CACNA1C: variants seen among roughly 807,000 people sequenced by gnomAD.
The protein encoded by CACNA1C is voltage-dependent L-type calcium channel subunit alpha-1C.
CACNA1C carries 30 observed loss-of-function variants against 229.0 expected under a neutral mutation model. The observed-to-expected ratio is 0.13, with a 90% CI of 0.10 to 0.18. CACNA1C has a LOEUF of 0.18. Among genes scored for constraint, CACNA1C ranks in the 10% least tolerant of loss-of-function variants. CACNA1C has a pLI of 1.00. For synonymous variants in CACNA1C, 1,114 were observed against 1,132.5 expected (o/e 0.98, Z 0.33); for missense variants, 1,658 against 2,845.0 (o/e 0.58, Z 9.49).
At chr12:1,995,990 C>G (rs1022918001) in intron 1 of CACNA1C, among the ~76,000 whole-genome samples, 1 of 152,204 alleles carries the variant, frequency 6.6e-6, no homozygotes, top group African/African-American at 2.4e-5. Flanking sequence ...TCTTGACCTC[C>G]TGTCTTTCTT....
At chr12:2,374,773 A>G (rs78981090) in intron 3 of CACNA1C, among the ~76,000 whole-genome samples, 3 of 152,222 alleles carry the variant, frequency 2.0e-5, no homozygotes, top group Admixed American at 6.5e-5. Context: ...CAAATAAACC[A>G]TCTCCAGTCA....
intron 3 of CACNA1C, among the ~76,000 whole-genome samples, chr12:2,376,770 T>C (rs1281344203): frequency 2.0e-5 from 3 of 152,114 alleles, no homozygotes; most frequent in African/African-American, 7.2e-5. Context: ...CCTACATTCT[T>C]GACTAGAAGA....
At chr12:2,658,686 A>G (rs972589348) in intron 34 of CACNA1C, among the ~76,000 whole-genome samples, 1 of 152,104 alleles carries the variant, frequency 6.6e-6, no homozygotes, top group African/African-American at 2.4e-5. Flanking sequence ...GTATTCCAGA[A>G]GAAGGCATTG....
chr12:2,191,165 G>A (rs989173328), intron 3 of CACNA1C, among the ~76,000 whole-genome samples: 1 of 152,186 alleles, frequency 6.6e-6, no homozygotes, highest in Non-Finnish European at 1.5e-5. Flanking sequence ...CCAGGGAGAT[G>A]TGGGGTGTGG....
Position 2,067,481 on chromosome 12 carries a change from TGCGCGC to T in CACNA1C, c.49+13872_49+13877del, listed in dbSNP as rs144122965. Among the ~76,000 whole-genome samples the T allele has an allele frequency of 1.5e-4, 21 of 140,890 alleles. No homozygotes were observed. Among genetic ancestry groups the T allele is most frequent in the East Asian group, 4.2e-4 (2 of 4,712 alleles). 92.4% of individuals were successfully genotyped at this position (140,890 alleles called of 152,430 possible). On this transcript the variant is annotated intron_variant, in intron 1 of 46. Coordinates refer to ENST00000399655, the MANE Select transcript of CACNA1C (RefSeq NM_000719.7). The surrounding 1 kb of genome is among the most constrained non-coding windows in gnomAD (Gnocchi z 5.3). ...GTGTGTGTGTGTGTGTGTGTGTGTG[TGCGCGC>T]GTGTGCGTGCCTGTATGTAAGGGCA...
In CACNA1C at chr12:2,692,453, C is replaced by T. The variant is rs2097799063; in HGVS notation, c.*1254C>T. The T allele has an allele frequency of 6.6e-6, 1 of 152,638 alleles. No individual in the cohort carries two copies. The highest frequency in any genetic ancestry group is 2.4e-5 in the African/African-American group (1 of 41,436). The allele number at this position is 152,638 out of a possible 1,614,324, so 9.5% of individuals were successfully genotyped here. A position where few individuals can be genotyped will look rare whatever the true frequency, so the allele number is the denominator to read the frequency against. ...CACCCACACCATGTGCCCGTGCACA[C>T]CAGTGACTACGCAGTCCCCCCTTTC... On this transcript the variant is annotated 3_prime_UTR_variant, in exon 47 of 47. Transcript: ENST00000399655.
At chr12:2,540,305 G>A (rs2099866533) in intron 9 of CACNA1C, among the ~76,000 whole-genome samples, 1 of 152,104 alleles carries the variant, frequency 6.6e-6, no homozygotes, top group Non-Finnish European at 1.5e-5. Flanking sequence ...TAGGGAGAGG[G>A]TGAAACCAAA....
chr12:2,101,754 C>G (rs1156799020), intron 1 of CACNA1C, among the ~76,000 whole-genome samples: 1 of 152,100 alleles, frequency 6.6e-6, no homozygotes, highest in Non-Finnish European at 1.5e-5. Flanking sequence ...GGGAGCCATT[C>G]TCTCGGATGG....
intron 4 of CACNA1C, among the ~76,000 whole-genome samples, chr12:2,454,586 C>G (rs534841106): frequency 2.0e-5 from 3 of 152,270 alleles, no homozygotes; most frequent in African/African-American, 4.8e-5. Context: ...AAACACCAAC[C>G]CTAATCAAGT....
At chr12:2,222,739 A>G (rs1178007242) in intron 3 of CACNA1C, among the ~76,000 whole-genome samples, 1 of 152,192 alleles carries the variant, frequency 6.6e-6, no homozygotes, top group Non-Finnish European at 1.5e-5. Context: ...ATGAGGGACA[A>G]TGAGTTGTCC....
At chr12:2,309,278 AT>A (rs1021417116) in intron 3 of CACNA1C, among the ~76,000 whole-genome samples, 9 of 152,176 alleles carry the variant, frequency 5.9e-5, no homozygotes, top group Admixed American at 5.9e-4. Context: ...TGTATGTGGA[AT>A]CTAAAAGAGC....
In CACNA1C at chr12:2,526,134, G is replaced by A. The variant is rs111640672; in HGVS notation, c.1390+13150G>A. 1.2e-3 allele frequency among the ~76,000 whole-genome samples: 180 copies of A among 152,294 alleles called. 2 individuals carry two copies. The highest frequency in any genetic ancestry group is 2.2e-3 in the Non-Finnish European group (149 of 68,026). On this transcript the variant is annotated intron_variant, in intron 9 of 46. Coordinates refer to ENST00000399655, the MANE Select transcript of CACNA1C (RefSeq NM_000719.7). ...TTTCTATATCCTGGTACCAGGTGCT[G>A]GATTCCTTATTTAGCCATGTGGTTA...
At position 2,310,339 on chromosome 12, in the gene CACNA1C, A is replaced by C. The variant is rs1237806524; in HGVS notation, c.478-138637A>C. On this transcript the variant is annotated intron_variant, in intron 3 of 46. Transcript: ENST00000399655. ...CATCCTGTCCTGTCCTCTGCCTCCCAGTTAAAAAAAAAAATATATATATAT... is the reference window on the plus strand; with the variant it reads ...CATCCTGTCCTGTCCTCTGCCTCCCCGTTAAAAAAAAAAATATATATATAT... Among the ~76,000 whole-genome samples the C allele has an allele frequency of 3.8e-4, 54 of 141,036 alleles. 1 individual carries two copies. Among genetic ancestry groups the C allele is most frequent in the Admixed American group, 3.8e-3 (54 of 14,394 alleles). The allele number at this position is 141,036 out of a possible 152,430, so 92.5% of individuals were successfully genotyped here.
intron 43 of CACNA1C, among the ~76,000 whole-genome samples, chr12:2,685,283 G>C (rs570273998): frequency 6.6e-6 from 1 of 150,908 alleles, no homozygotes; most frequent in South Asian, 2.1e-4. Flanking sequence ...AGCTGCTTAT[G>C]TGCTCTTGCT....
chr12:2,544,546 A>G (rs2099877601), intron 9 of CACNA1C, among the ~76,000 whole-genome samples: 1 of 152,244 alleles, frequency 6.6e-6, no homozygotes, highest in African/African-American at 2.4e-5. Context: ...ATTTTAAATC[A>G]TTATAACTAG....
At chr12:2,129,251 G>T (rs1001289673) in intron 3 of CACNA1C, among the ~76,000 whole-genome samples, 5 of 152,178 alleles carry the variant, frequency 3.3e-5, no homozygotes, top group Non-Finnish European at 7.3e-5. Flanking sequence ...TCTTCATCAG[G>T]AACATGGCAT....
At chr12:2,624,589 C>T (rs190203373) in intron 29 of CACNA1C, among the ~76,000 whole-genome samples, 2 of 152,360 alleles carry the variant, frequency 1.3e-5, no homozygotes. Flanking sequence ...GAAACCTAGA[C>T]ATTCTCTTGG....
intron 31 of CACNA1C, among the ~76,000 whole-genome samples, chr12:2,650,627 G>A (rs1352407157): frequency 1.3e-5 from 2 of 152,154 alleles, no homozygotes; most frequent in Admixed American, 6.5e-5. Context: ...GTCAGCTCAT[G>A]TTCTCAGGTT....
chr12:1,973,771 A>G (rs1451413214), intron 1 of CACNA1C, among the ~76,000 whole-genome samples: 1 of 152,252 alleles, frequency 6.6e-6, no homozygotes, highest in Non-Finnish European at 1.5e-5. Context: ...TTTACAACAA[A>G]TATAAATAGA....
Sources: allele counts gnomAD v4.1 joint callset (sites outside exome capture counted in the v4.1 genomes callset), GRCh38; gene constraint gnomAD v4.1.1; non-coding constraint Gnocchi (gnomAD v3.1); transcripts MANE v1.5; gene names NCBI Gene and HGNC (gene_info 2026-07-23, HGNC 2026-07-21).